Variants in KIF6 observed in about 807,000 individuals in gnomAD.
KIF6 encodes kinesin-like protein KIF6.
Under a neutral mutation model 112.7 loss-of-function variants are expected in KIF6, and 106 were observed. The ratio of observed to expected loss-of-function variants is 0.94; its 90% CI spans 0.80 to 1.11. The LOEUF is 1.11. KIF6 is among the 50% of genes least tolerant of loss of function. The probability of loss-of-function intolerance (pLI) is 0.00; values close to 1 mark genes in which losing one functional copy is unlikely to be tolerated. For missense variants in KIF6, 929 were observed against 964.0 expected (o/e 0.96, Z 0.48); for synonymous variants, 339 against 339.9 (o/e 1.00, Z 0.03).
At chr6:39,675,096 A>G (rs1422768766) in intron 3 of KIF6, among the ~76,000 whole-genome samples, 2 of 152,062 alleles carry the variant, frequency 1.3e-5, no homozygotes, top group Non-Finnish European at 2.9e-5. Flanking sequence ...AATTTGCAAA[A>G]ATGTAAGGAA....
intron 3 of KIF6, among the ~76,000 whole-genome samples, chr6:39,665,167 A>AG (rs1786393764): frequency 6.6e-6 from 1 of 152,202 alleles, no homozygotes; most frequent in Admixed American, 6.5e-5. Context: ...GAACAACCTA[A>AG]GACGAAATTG....
chr6:39,519,131 G>T (rs9357309), intron 13 of KIF6, among the ~76,000 whole-genome samples: 16 of 152,054 alleles, frequency 1.1e-4, no homozygotes, highest in African/African-American at 3.6e-4. Context: ...AAGTTGGAGT[G>T]GGGGGTACCG....
chr6:39,619,771 C>T (rs143755279), intron 5 of KIF6, among the ~76,000 whole-genome samples: 281 of 152,264 alleles, frequency 1.8e-3, no homozygotes, highest in African/African-American at 6.3e-3. Context: ...TGATTGCACT[C>T]ATTTATTTAT....
chr6:39,567,110 G>C (rs1039363238), intron 10 of KIF6, among the ~76,000 whole-genome samples: 1 of 152,140 alleles, frequency 6.6e-6, no homozygotes, highest in Non-Finnish European at 1.5e-5. Context: ...AGCTTGAAAA[G>C]ACTTCTATAA....
chr6:39,561,681 A>C (rs1780017165), intron 10 of KIF6, among the ~76,000 whole-genome samples: 1 of 152,094 alleles, frequency 6.6e-6, no homozygotes, highest in South Asian at 2.1e-4. Context: ...ATGCACAAAC[A>C]TTGTGAAACC....
At chr6:39,546,226 C>A (rs1779062434) in intron 10 of KIF6, among the ~76,000 whole-genome samples, 1 of 152,186 alleles carries the variant, frequency 6.6e-6, no homozygotes, top group Non-Finnish European at 1.5e-5. Context: ...CATGCAGACT[C>A]CTTTGTTTCC....
At chr6:39,463,780 TG>T (rs1439067026) in intron 13 of KIF6, among the ~76,000 whole-genome samples, 3 of 152,188 alleles carry the variant, frequency 2.0e-5, no homozygotes, top group Admixed American at 6.5e-5. Context: ...TTCCAAATCT[TG>T]GACCCTTTGG....
intron 13 of KIF6, among the ~76,000 whole-genome samples, chr6:39,532,334 C>G (rs1479181254): frequency 6.6e-6 from 1 of 152,018 alleles, no homozygotes; most frequent in African/African-American, 2.4e-5. Context: ...TAAGCTGTGG[C>G]CATAGTAATA....
intron 16 of KIF6, among the ~76,000 whole-genome samples, chr6:39,376,723 C>A (rs1766468043): frequency 6.6e-6 from 1 of 152,170 alleles, no homozygotes; most frequent in Non-Finnish European, 1.5e-5. Flanking sequence ...ATGCAGAGTT[C>A]TGTGTGAGCC....
At chr6:39,708,252 C>T (rs1697153523) in intron 3 of KIF6, among the ~76,000 whole-genome samples, 1 of 152,198 alleles carries the variant, frequency 6.6e-6, no homozygotes, top group South Asian at 2.1e-4. Context: ...GCCTCCCACC[C>T]AGCAAGAGCT....
chr6:39,577,864 C>T (rs147785236), intron 10 of KIF6, among the ~76,000 whole-genome samples, 192 bp downstream of exon 10: 20 of 152,264 alleles, frequency 1.3e-4, no homozygotes, highest in African/African-American at 3.6e-4. Context: ...AAAGCTGAGG[C>T]GGCAAAAACA....
rs114160593 is a variant in KIF6, at chr6:39,333,607, T to G, written c.*2925A>C. 1 of 152,254 alleles carries G rather than the reference T, an allele frequency of 6.6e-6. No individual in the cohort carries two copies. Among genetic ancestry groups the G allele is most frequent in the African/African-American group, 2.4e-5 (1 of 41,466 alleles). The allele number at this position is 152,254 out of a possible 1,614,324, so 9.4% of individuals were successfully genotyped here. A position where few individuals can be genotyped will look rare whatever the true frequency, so the allele number is the denominator to read the frequency against. On this transcript the variant is annotated 3_prime_UTR_variant, in exon 23 of 23. Transcript: ENST00000287152. ...TTTGCCAACACCACATTAGTCAAAG[T>G]GGGCCATGACAAAGCTTTGGATGTG... is the stretch of plus-strand genomic sequence containing the variant.
intron 6 of KIF6, 137 bp downstream of exon 6, chr6:39,613,052 T>C (rs1783301122): frequency 3.5e-6 from 2 of 566,972 alleles, no homozygotes; most frequent in East Asian, 3.7e-5. Context: ...TTTATCTGCA[T>C]GTGAGGTTTG....
intron 22 of KIF6, among the ~76,000 whole-genome samples, chr6:39,339,000 CGCTCT>C (rs1267492772): frequency 1.1e-4 from 16 of 152,046 alleles, no homozygotes; most frequent in Non-Finnish European, 1.9e-4. Flanking sequence ...GGGGAGAGCA[CGCTCT>C]GCCCCAAGAC....
At chr6:39,481,168 A>G (rs1382673848) in intron 13 of KIF6, among the ~76,000 whole-genome samples, 1 of 152,292 alleles carries the variant, frequency 6.6e-6, no homozygotes, top group East Asian at 1.9e-4. Flanking sequence ...ATAAGAGCAT[A>G]CATTAATATT....
intron 13 of KIF6, among the ~76,000 whole-genome samples, chr6:39,522,362 C>A (rs1777446615): frequency 6.6e-6 from 1 of 152,164 alleles, no homozygotes; most frequent in South Asian, 2.1e-4. Flanking sequence ...AAAAAATCAT[C>A]CAGTACCCCC....
At chr6:39,402,367 G>A (rs576812838) in intron 15 of KIF6, among the ~76,000 whole-genome samples, 52 of 152,160 alleles carry the variant, frequency 3.4e-4, no homozygotes, top group Non-Finnish European at 6.3e-4. Flanking sequence ...TACTCACTCC[G>A]TGCTGTGCCC....
chr6:39,718,591 A>AG (rs1790011769), intron 2 of KIF6: 1 of 151,510 alleles, frequency 6.6e-6, no homozygotes, highest in Non-Finnish European at 1.5e-5. Context: ...CCAAAAAAAA[A>AG]AAAATTAGCT....
chr6:39,477,827 C>T (rs1327509369), intron 13 of KIF6, among the ~76,000 whole-genome samples: 1 of 152,046 alleles, frequency 6.6e-6, no homozygotes, highest in African/African-American at 2.4e-5. Flanking sequence ...TGCCATTGCA[C>T]TCCAGCCTGG....
Sources: allele counts gnomAD v4.1 joint callset (sites outside exome capture counted in the v4.1 genomes callset), GRCh38; gene constraint gnomAD v4.1.1; transcripts MANE v1.5; gene names NCBI Gene and HGNC (gene_info 2026-07-23, HGNC 2026-07-21).